The following OLAH variants were observed in gnomAD, a reference collection of about 807,000 sequenced individuals.
OLAH encodes oleoyl-ACP hydrolase.
OLAH carries 33 observed loss-of-function variants against 27.8 expected under a neutral mutation model. The ratio of observed to expected loss-of-function variants is 1.19; its 90% CI spans 0.90 to 1.59. OLAH has a LOEUF of 1.59. Among genes scored for constraint, OLAH ranks in the 40% most tolerant of loss-of-function variants. The pLI is 0.00. For missense variants in OLAH, 359 were observed against 310.8 expected (o/e 1.16, Z -1.17); for synonymous variants, 120 against 102.9 (o/e 1.17, Z -1.01).
intron 1 of OLAH, among the ~76,000 whole-genome samples, chr10:15,038,025 G>C (rs950284983): frequency 1.7e-4 from 26 of 152,228 alleles, no homozygotes; most frequent in African/African-American, 6.3e-4. Flanking sequence ...AACACCCTGG[G>C]AACCCACTTC....
In OLAH at chr10:15,073,371, T is replaced by C. The variant is rs534927849; in HGVS notation, c.*142T>C. On this transcript the variant is annotated 3_prime_UTR_variant, in exon 8 of 8. Coordinates refer to ENST00000378228, the MANE Select transcript of OLAH (RefSeq NM_001039702.3). The stretch of plus-strand genomic sequence containing the variant: ...TTCGTTACATAAATATATTTACGTA[T>C]CTGGGGACAAAGGTCAAGCCAGTAA... 9.4e-6 allele frequency: 6 copies of C among 637,656 alleles called. No individual in the cohort carries two copies. The highest frequency in any genetic ancestry group is 1.6e-5 in the Non-Finnish European group (6 of 382,796). 39.5% of individuals were successfully genotyped at this position (637,656 alleles called of 1,614,324 possible).
chr10:15,067,149 T>G (rs2131376059), intron 6 of OLAH, among the ~76,000 whole-genome samples: 1 of 152,332 alleles, frequency 6.6e-6, no homozygotes, highest in Middle Eastern at 3.4e-3. Flanking sequence ...ATACAATTGT[T>G]ATTTGCGAAT....
At chr10:15,047,465 C>A in intron 2 of OLAH, 145 bp downstream of exon 2, 1 of 779,396 alleles carries the variant, frequency 1.3e-6, no homozygotes, top group Admixed American at 2.2e-5. Flanking sequence ...GAGCCTGAGG[C>A]AGGTGAATTA....
intron 3 of OLAH, among the ~76,000 whole-genome samples, chr10:15,050,277 A>G (rs1844109435): frequency 6.6e-6 from 1 of 152,032 alleles, no homozygotes; most frequent in African/African-American, 2.4e-5. Context: ...TTATTTATTT[A>G]TTGTTTTTGA....
At chr10:15,068,178 TC>T (rs951753286) in intron 6 of OLAH, 7 of 152,326 alleles carry the variant, frequency 4.6e-5, no homozygotes, top group African/African-American at 1.7e-4. Context: ...CCCATTTGAC[TC>T]TCTTCTGGTT....
At chr10:15,069,048 A>G (rs1430646624) in intron 6 of OLAH, among the ~76,000 whole-genome samples, 1 of 152,100 alleles carries the variant, frequency 6.6e-6, no homozygotes, top group African/African-American at 2.4e-5. Flanking sequence ...CCCAATGTAG[A>G]CAGCTGTTGC....
At chr10:15,044,783 A>G (rs1355930031) in intron 1 of OLAH, among the ~76,000 whole-genome samples, 4 of 151,894 alleles carry the variant, frequency 2.6e-5, no homozygotes, top group African/African-American at 9.7e-5. Flanking sequence ...ATGTTTTTGC[A>G]TTGCTGTGAG....
At chr10:15,071,486 T>A in intron 6 of OLAH, 1 of 979,652 alleles carries the variant, frequency 1.0e-6, no homozygotes, top group Non-Finnish European at 1.2e-6. Flanking sequence ...ACTAAAGAGG[T>A]CTTCGTTTCT....
intron 6 of OLAH, among the ~76,000 whole-genome samples, chr10:15,067,180 C>T (rs1282216460): frequency 6.6e-6 from 1 of 152,134 alleles, no homozygotes; most frequent in African/African-American, 2.4e-5. Flanking sequence ...ATTGAAAAAA[C>T]TGAGAAGTAA....
Position 15,034,072 on chromosome 10 carries a change from A to AACCT in OLAH, c.-164+1723_-164+1726dup, listed in dbSNP as rs568739864. ...CAGGAGAGAAAGAGGTGGGGGAAGGAACCTCCTAGAGGAAAGGGCAGACTC... is the reference window on the plus strand; with the variant it reads ...CAGGAGAGAAAGAGGTGGGGGAAGGAACCTACCTCCTAGAGGAAAGGGCAGACTC... On this transcript the variant is annotated intron_variant, in intron 1 of 3. Transcript: ENST00000413672. Among the ~76,000 whole-genome samples, 42 of 151,492 alleles carry AACCT rather than the reference A, an allele frequency of 2.8e-4. No individual in the cohort carries two copies. The East Asian group carries it at 8.0e-3, about 29-fold the overall frequency.
At chr10:15,040,659 C>T (rs1423731160), upstream of OLAH, among the ~76,000 whole-genome samples, 2 of 150,652 alleles carry the variant, frequency 1.3e-5, no homozygotes, top group African/African-American at 2.4e-5. Context: ...ACCGCTACCC[C>T]GTTTTCTACT....
At chr10:15,050,685 C>T (rs914448036) in intron 3 of OLAH, among the ~76,000 whole-genome samples, 7 of 151,870 alleles carry the variant, frequency 4.6e-5, no homozygotes, top group African/African-American at 1.5e-4. Context: ...GAACTACAGG[C>T]GCCTGCCACA....
upstream of OLAH, among the ~76,000 whole-genome samples, chr10:15,042,003 A>C (rs1298773577): frequency 1.3e-5 from 2 of 151,556 alleles, no homozygotes; most frequent in Non-Finnish European, 2.9e-5. Flanking sequence ...CTTGGTGTTT[A>C]AATGCTAGTG....
rs779082622 is a variant in OLAH at position 15,064,464 on chromosome 10, C to A, written c.364C>A (p.Pro122Thr). ...TCTAAAAGAAAACAATCAACCAGAA[C>A]CATTGCATTTATTTTTGTCAAGTGC... ...LGLKENNQPE[P>T]LHLFLSSATP... The change falls in exon 5 of 8, where the codon CCA becomes ACA. Residue 122 changes from proline to threonine, a missense_variant. By Grantham distance (38) the Pro-to-Thr change is conservative. Coordinates refer to ENST00000378228, the MANE Select transcript of OLAH (RefSeq NM_001039702.3). 1 of 1,593,730 alleles carries A rather than the reference C, an allele frequency of 6.3e-7. No individual in the cohort carries two copies. Among genetic ancestry groups the A allele is most frequent in the East Asian group, 2.3e-5 (1 of 43,304 alleles).
intron 6 of OLAH, among the ~76,000 whole-genome samples, chr10:15,069,505 A>T (rs529027266): frequency 1.3e-5 from 2 of 152,108 alleles, no homozygotes; most frequent in African/African-American, 4.8e-5. Flanking sequence ...TGCCCTGTGG[A>T]GGTGTCTCTC....
At chr10:15,035,701 T>G (rs1402584521) in intron 1 of OLAH, among the ~76,000 whole-genome samples, 1 of 151,994 alleles carries the variant, frequency 6.6e-6, no homozygotes, top group Non-Finnish European at 1.5e-5. Context: ...TCAAAAGCAT[T>G]TTACGCTATC....
chr10:15,051,888 G>A lies in OLAH; in HGVS notation c.163+2123G>A, dbSNP rs973683860. ...CACATTTGTGGGATATACAGTGCTT[G>A]TTGCAACTCTTCAGCTTTGCCATTG... On this transcript the variant is annotated intron_variant, in intron 3 of 7. Coordinates refer to ENST00000378228, the MANE Select transcript of OLAH (RefSeq NM_001039702.3). Among the ~76,000 whole-genome samples, 5 of 152,262 alleles carry A rather than the reference G, an allele frequency of 3.3e-5. No individual in the cohort carries two copies. In the South Asian group the frequency reaches 8.3e-4, roughly 25 times the overall value.
chr10:15,049,910 T>G (rs1844100118), intron 3 of OLAH, 145 bp downstream of exon 3: 1 of 753,712 alleles, frequency 1.3e-6, no homozygotes. Context: ...GGGTGACTTT[T>G]ATGTTTCTAA....
At chr10:15,039,027 A>T (rs144909017), upstream of OLAH, among the ~76,000 whole-genome samples, 7 of 152,274 alleles carry the variant, frequency 4.6e-5, no homozygotes, top group Non-Finnish European at 1.0e-4. Context: ...ATTCGAGACC[A>T]GCCTGGGCAA....
Sources: gnomAD v4.1 joint callset for allele counts (sites outside exome capture counted in the v4.1 genomes callset) on GRCh38, gnomAD v4.1.1 for gene constraint, MANE v1.5 for transcripts, NCBI Gene and HGNC (gene_info 2026-07-23, HGNC 2026-07-21) for gene names.